Variants in SGCZ observed in about 807,000 individuals in gnomAD.
SGCZ encodes the protein sarcoglycan zeta, also known as zeta-sarcoglycan.
A neutral mutation model predicts 41.3 loss-of-function variants in SGCZ; 40 were observed. The ratio of observed to expected loss-of-function variants is 0.97; its 90% CI spans 0.75 to 1.26. The LOEUF is 1.26. Ranked by LOEUF, SGCZ falls within the 50% of genes most tolerant of loss-of-function variation. The pLI, the probability that SGCZ is intolerant of heterozygous loss-of-function variation, is 0.00. For missense variants in SGCZ, 552 were observed against 369.8 expected (o/e 1.49, Z -4.04); for synonymous variants, 206 against 137.5 (o/e 1.50, Z -3.49).
intron 1 of SGCZ, among the ~76,000 whole-genome samples, chr8:14,997,571 T>C (rs1802260944): frequency 6.6e-6 from 1 of 152,230 alleles, no homozygotes; most frequent in African/African-American, 2.4e-5. Flanking sequence ...TAGCTGTTAT[T>C]AATATGTAAT....
intron 1 of SGCZ, among the ~76,000 whole-genome samples, chr8:14,857,727 G>T (rs1040668417): frequency 6.6e-6 from 1 of 152,026 alleles, no homozygotes; most frequent in African/African-American, 2.4e-5. Context: ...TTAGCCCAGC[G>T]TGGTGGCAAG....
At chr8:14,761,283 A>G (rs926222113) in intron 1 of SGCZ, among the ~76,000 whole-genome samples, 14 of 152,088 alleles carry the variant, frequency 9.2e-5, no homozygotes, top group Admixed American at 1.3e-4. Flanking sequence ...TAAATATTAT[A>G]TTAAAATGTT....
intron 2 of SGCZ, among the ~76,000 whole-genome samples, chr8:14,436,788 G>T (rs919565369): frequency 1.3e-5 from 2 of 152,158 alleles, no homozygotes; most frequent in East Asian, 1.9e-4. Flanking sequence ...TTAGTACATT[G>T]GTGGTTTAGA....
intron 2 of SGCZ, among the ~76,000 whole-genome samples, chr8:14,491,428 G>A (rs142255432): frequency 2.6e-5 from 4 of 152,244 alleles, no homozygotes; most frequent in African/African-American, 4.8e-5. Context: ...TTTCTAAGGC[G>A]ATTTGAGTGC....
At chr8:14,231,219 G>C (rs1213260520) in intron 4 of SGCZ, among the ~76,000 whole-genome samples, 1 of 139,038 alleles carries the variant, frequency 7.2e-6, no homozygotes. Context: ...GAGGGGGAAA[G>C]AGAGAGAGAG....
intron 1 of SGCZ, among the ~76,000 whole-genome samples, chr8:14,895,939 T>G (rs926704856): frequency 6.6e-6 from 1 of 152,232 alleles, no homozygotes; most frequent in Admixed American, 6.5e-5. Context: ...TGAGACTCAC[T>G]TTAGTAAAAT....
intron 2 of SGCZ, among the ~76,000 whole-genome samples, chr8:14,543,319 T>G (rs1282657478): frequency 6.6e-6 from 1 of 152,050 alleles, no homozygotes; most frequent in Non-Finnish European, 1.5e-5. Flanking sequence ...ATCTATTATT[T>G]AACTTTCAAA....
At chr8:15,037,833 A>G (rs532713797) in intron 1 of SGCZ, among the ~76,000 whole-genome samples, 1 of 152,358 alleles carries the variant, frequency 6.6e-6, no homozygotes, top group South Asian at 2.1e-4. Context: ...ATACACTGAC[A>G]TAAACACTTT....
At chr8:15,101,461 A>G (rs776957079) in intron 1 of SGCZ, among the ~76,000 whole-genome samples, 5 of 152,248 alleles carry the variant, frequency 3.3e-5, no homozygotes, top group Non-Finnish European at 7.3e-5. Context: ...AAGAAGACAC[A>G]GATGGCAAAT....
chr8:14,866,784 A>T (rs1314271498), intron 1 of SGCZ, among the ~76,000 whole-genome samples: 1 of 151,968 alleles, frequency 6.6e-6, no homozygotes, highest in Non-Finnish European at 1.5e-5. Flanking sequence ...ACACACGGAG[A>T]CCCTGTCTCA....
chr8:14,912,858 T>A (rs972376022), intron 1 of SGCZ, among the ~76,000 whole-genome samples: 2 of 152,098 alleles, frequency 1.3e-5, no homozygotes, highest in Non-Finnish European at 2.9e-5. Flanking sequence ...TTACCAAGCA[T>A]GTCTTCTTGC....
intron 2 of SGCZ, among the ~76,000 whole-genome samples, chr8:14,421,406 T>C (rs530692790): frequency 6.6e-6 from 1 of 152,298 alleles, no homozygotes; most frequent in African/African-American, 2.4e-5. Flanking sequence ...ATGCATGATA[T>C]ATTCACTGAT....
At chr8:15,173,722 C>G (rs1401358082) in intron 1 of SGCZ, among the ~76,000 whole-genome samples, 1 of 152,114 alleles carries the variant, frequency 6.6e-6, no homozygotes, top group Admixed American at 6.6e-5. Flanking sequence ...TTTTAATTGG[C>G]ATTTTCTCAG....
rs1397679805 is a variant in SGCZ, at chr8:14,085,101, T to A, written c.*5342A>T. On this transcript the variant is annotated 3_prime_UTR_variant, in exon 8 of 8. Coordinates refer to ENST00000382080, the MANE Select transcript of SGCZ (RefSeq NM_139167.4). ...CAATAGACTGATTTTTGAATAGATA[T>A]GTTATCTACAGTTTATAGGGCAGAC... Among the ~76,000 whole-genome samples, 1 of 151,966 alleles carries A rather than the reference T, an allele frequency of 6.6e-6. No individual in the cohort carries two copies. The highest frequency in any genetic ancestry group is 1.9e-4 in the East Asian group (1 of 5,134).
At chr8:15,188,321 C>T (rs1800414864) in intron 1 of SGCZ, among the ~76,000 whole-genome samples, 1 of 152,044 alleles carries the variant, frequency 6.6e-6, no homozygotes, top group Admixed American at 6.5e-5. Context: ...CCTAGAACAT[C>T]TGTTACTTGA....
At chr8:14,097,222 G>C (rs1041320979) in intron 7 of SGCZ, among the ~76,000 whole-genome samples, 1 of 152,062 alleles carries the variant, frequency 6.6e-6, no homozygotes, top group Admixed American at 6.6e-5. Flanking sequence ...GCTTTCTCTT[G>C]TGGGCATTTA....
intron 5 of SGCZ, among the ~76,000 whole-genome samples, chr8:14,116,258 T>C (rs942769363): frequency 2.0e-4 from 31 of 152,172 alleles, no homozygotes; most frequent in African/African-American, 7.5e-4. Context: ...TTTATGAGCC[T>C]GAGCTGCATA....
chr8:14,558,964 C>T (rs1395708618), intron 1 of SGCZ, among the ~76,000 whole-genome samples: 1 of 151,902 alleles, frequency 6.6e-6, no homozygotes, highest in African/African-American at 2.4e-5. Context: ...AAAACTGGCA[C>T]AGAAGGGACA....
chr8:14,763,881 G>T (rs1799962590), intron 1 of SGCZ, among the ~76,000 whole-genome samples: 1 of 152,168 alleles, frequency 6.6e-6, no homozygotes, highest in Non-Finnish European at 1.5e-5. Flanking sequence ...CTCTATGGGA[G>T]CAAAAAGACA....
Sources: allele counts gnomAD v4.1 joint callset (sites outside exome capture counted in the v4.1 genomes callset), GRCh38; gene constraint gnomAD v4.1.1; transcripts MANE v1.5; gene names NCBI Gene and HGNC (gene_info 2026-07-23, HGNC 2026-07-21).